Variants in CEP112 observed in about 807,000 individuals in gnomAD.
CEP112 encodes centrosomal protein 112.
CEP112 carries 127 observed loss-of-function variants against 153.0 expected under a neutral mutation model. The ratio of observed to expected loss-of-function variants is 0.83; its 90% CI spans 0.72 to 0.96. The LOEUF is 0.96. CEP112 is among the 40% of genes least tolerant of loss of function. The pLI is 0.00. For missense variants in CEP112, 1,089 were observed against 1,101.2 expected (o/e 0.99, Z 0.16); for synonymous variants, 358 against 374.4 (o/e 0.96, Z 0.51).
intron 17 of CEP112, among the ~76,000 whole-genome samples, chr17:65,965,640 A>C (rs887446800): frequency 1.3e-5 from 2 of 149,882 alleles, no homozygotes; most frequent in African/African-American, 4.9e-5. Flanking sequence ...CTCCCACCTC[A>C]GCCTCTGGGT....
chr17:65,956,100 C>T (rs1242289869), intron 18 of CEP112, among the ~76,000 whole-genome samples: 1 of 152,054 alleles, frequency 6.6e-6, no homozygotes, highest in African/African-American at 2.4e-5. Context: ...TAACAGGCCA[C>T]AAAACGAGTC....
intron 21 of CEP112, among the ~76,000 whole-genome samples, chr17:65,752,908 C>T (rs1427793530): frequency 6.6e-6 from 1 of 152,148 alleles, no homozygotes; most frequent in African/African-American, 2.4e-5. Context: ...AATCTTGATG[C>T]CTGAGTCTCA....
rs564077284 is a variant in CEP112, at chr17:65,777,076, A to T, written c.2395-26352T>A. ...ATTTTCCAGCCTCCTTTGCAGCTGG[A>T]CGTGGTCATGTGACCGCATTTAGGT... On this transcript the variant is annotated intron_variant, in intron 21 of 26. Coordinates refer to ENST00000535342, the MANE Select transcript of CEP112 (RefSeq NM_001199165.4). Among the ~76,000 whole-genome samples, 68 of 152,300 alleles carry T rather than the reference A, an allele frequency of 4.5e-4. 1 individual carries two copies. The highest frequency in any genetic ancestry group is 8.4e-4 in the Non-Finnish European group (57 of 68,024).
intron 12 of CEP112, among the ~76,000 whole-genome samples, chr17:66,047,069 T>C (rs1023924238): frequency 6.6e-6 from 1 of 152,190 alleles, no homozygotes; most frequent in Non-Finnish European, 1.5e-5. Flanking sequence ...ACTATCAAAC[T>C]GGCCAACTTT....
chr17:65,878,373 T>C (rs1243605572), intron 20 of CEP112, among the ~76,000 whole-genome samples: 1 of 152,128 alleles, frequency 6.6e-6, no homozygotes, highest in Non-Finnish European at 1.5e-5. Context: ...GCTGAAAAAA[T>C]GATGAAGCAA....
intron 8 of CEP112, among the ~76,000 whole-genome samples, chr17:66,094,057 TTTTA>T (rs1178596641): frequency 6.6e-6 from 1 of 151,978 alleles, no homozygotes; most frequent in African/African-American, 2.4e-5. Flanking sequence ...TTATTATTAT[TTTTA>T]TTTATTTATT....
chr17:65,942,066 T>A (rs901204223), intron 18 of CEP112, among the ~76,000 whole-genome samples: 1 of 152,152 alleles, frequency 6.6e-6, no homozygotes, highest in Admixed American at 6.5e-5. Flanking sequence ...CCCAGGGCCA[T>A]GGACTGGTAC....
At chr17:65,847,626 T>C (rs941977017) in intron 21 of CEP112, among the ~76,000 whole-genome samples, 4 of 152,238 alleles carry the variant, frequency 2.6e-5, no homozygotes, top group Non-Finnish European at 5.9e-5. Context: ...AGCTGGGTTT[T>C]CTAGGCACTG....
In CEP112 at chr17:66,089,286, A is replaced by G. The variant is rs554124806; in HGVS notation, c.768+6965T>C. Among the ~76,000 whole-genome samples, 10 of 152,336 alleles carry G rather than the reference A, an allele frequency of 6.6e-5. No homozygotes were observed. In the East Asian group the frequency reaches 1.4e-3, roughly 21 times the overall value. On this transcript the variant is annotated intron_variant, in intron 8 of 26. Coordinates refer to ENST00000535342, the MANE Select transcript of CEP112 (RefSeq NM_001199165.4). ...CAACATAAAGCAACAAGCAACATAA[A>G]AAACCAAGGAGACATAACCCCAGCA...
intron 20 of CEP112, among the ~76,000 whole-genome samples, chr17:65,861,857 T>C (rs1047195260): frequency 1.7e-4 from 26 of 152,206 alleles, no homozygotes; most frequent in African/African-American, 6.3e-4. Flanking sequence ...GTTGGACACG[T>C]TCATAAGCTA....
chr17:65,956,148 T>C (rs1025901614), intron 18 of CEP112, among the ~76,000 whole-genome samples: 1 of 152,120 alleles, frequency 6.6e-6, no homozygotes, highest in African/African-American at 2.4e-5. Flanking sequence ...TATCAAATAC[T>C]GGTGGGAATG....
intron 21 of CEP112, among the ~76,000 whole-genome samples, chr17:65,808,270 T>G (rs1244747025): frequency 6.6e-6 from 1 of 152,194 alleles, no homozygotes; most frequent in Non-Finnish European, 1.5e-5. Flanking sequence ...GTACTCCCAT[T>G]GTATCTTGGA....
At position 65,656,108 on chromosome 17, in the gene CEP112, G is replaced by A. The variant is rs932761725; in HGVS notation, c.2698-15043C>T. Among the ~76,000 whole-genome samples, 4 of 152,150 alleles carry A rather than the reference G, an allele frequency of 2.6e-5. No individual in the cohort carries two copies. The East Asian group carries it at 7.7e-4, about 29-fold the overall frequency. The stretch of plus-strand genomic sequence containing the variant: ...GGGACCCTAAGGCAATCATCACGTC[G>A]CATTATCTGGAGCCATAACTATTGA... On this transcript the variant is annotated intron_variant, in intron 24 of 26. Coordinates refer to ENST00000535342, the MANE Select transcript of CEP112 (RefSeq NM_001199165.4).
intron 21 of CEP112, among the ~76,000 whole-genome samples, chr17:65,760,610 G>T (rs1040940422): frequency 1.3e-5 from 2 of 151,926 alleles, no homozygotes; most frequent in African/African-American, 4.8e-5. Context: ...CTTGGCTCTG[G>T]TATATAATTC....
chr17:66,056,610 C>T (rs138803907), intron 11 of CEP112, among the ~76,000 whole-genome samples: 21 of 152,090 alleles, frequency 1.4e-4, no homozygotes, highest in African/African-American at 3.4e-4. Flanking sequence ...AAAAACATTA[C>T]GGTAAGTGAA....
chr17:66,140,418 AG>A (rs1299540489), intron 4 of CEP112, among the ~76,000 whole-genome samples: 2 of 152,226 alleles, frequency 1.3e-5, no homozygotes, highest in African/African-American at 4.8e-5. Flanking sequence ...CAGCAGTCCT[AG>A]CCAGAGTAGT....
chr17:66,149,872 T>TA (rs1336383210), intron 4 of CEP112, among the ~76,000 whole-genome samples: 1 of 81,628 alleles, frequency 1.2e-5, no homozygotes, highest in Admixed American at 1.5e-4. Context: ...TTTAGGGTTT[T>TA]TTTTTTTGTT....
At chr17:65,795,368 T>C (rs754877984) in intron 21 of CEP112, among the ~76,000 whole-genome samples, 1 of 152,202 alleles carries the variant, frequency 6.6e-6, no homozygotes, top group Non-Finnish European at 1.5e-5. Context: ...AGGAGAGGTA[T>C]TACCCCATTT....
intron 19 of CEP112, among the ~76,000 whole-genome samples, chr17:65,912,328 G>A (rs1379462591): frequency 6.6e-6 from 1 of 152,098 alleles, no homozygotes; most frequent in Admixed American, 6.5e-5. Flanking sequence ...TGTAGTGCCT[G>A]CCATTCTGGA....
Sources: gnomAD v4.1 joint callset for allele counts (sites outside exome capture counted in the v4.1 genomes callset) on GRCh38, gnomAD v4.1.1 for gene constraint, MANE v1.5 for transcripts, NCBI Gene and HGNC (gene_info 2026-07-23, HGNC 2026-07-21) for gene names.